The following VIPR2 variants were observed in gnomAD, a reference collection of about 807,000 sequenced individuals.
VIPR2 encodes the protein vasoactive intestinal peptide receptor 2, also known as vasoactive intestinal polypeptide receptor 2.
VIPR2 carries 48 observed loss-of-function variants against 58.0 expected under a neutral mutation model. The ratio of observed to expected loss-of-function variants is 0.83; its 90% CI spans 0.66 to 1.05. The LOEUF is 1.05. VIPR2 is among the 50% of genes least tolerant of loss of function. The pLI is 0.00. For synonymous variants in VIPR2, 243 were observed against 235.2 expected (o/e 1.03, Z -0.30); for missense variants, 534 against 558.0 (o/e 0.96, Z 0.43).
At chr7:159,090,482 T>C (rs1232437462) in intron 4 of VIPR2, among the ~76,000 whole-genome samples, 268 of 23,798 alleles carry the variant, frequency 0.011, no homozygotes, top group Middle Eastern at 0.036. Context: ...CACGCTGGGA[T>C]CACGCACAGG....
At chr7:159,107,159 C>T (rs764497759) in intron 3 of VIPR2, among the ~76,000 whole-genome samples, 4 of 152,154 alleles carry the variant, frequency 2.6e-5, no homozygotes, top group Non-Finnish European at 4.4e-5. Flanking sequence ...GTGCTGATGC[C>T]CCTTTAAAGG....
At chr7:159,070,413 T>A (rs1158972036) in intron 4 of VIPR2, among the ~76,000 whole-genome samples, 1 of 152,226 alleles carries the variant, frequency 6.6e-6, no homozygotes, top group Non-Finnish European at 1.5e-5. Context: ...ATGTTTGATT[T>A]AGCATTTTGG....
intron 5 of VIPR2, among the ~76,000 whole-genome samples, chr7:159,044,826 C>T (rs2730251): frequency 0.89 from 135,170 of 151,878 alleles, 60,501 homozygotes; most frequent in East Asian, 1. Context: ...AGTGCAATGG[C>T]GCAATCTTGG....
chr7:159,079,931 T>G (rs1181526512), intron 4 of VIPR2, among the ~76,000 whole-genome samples: 1 of 152,192 alleles, frequency 6.6e-6, no homozygotes, highest in Non-Finnish European at 1.5e-5. Context: ...AAGTTGAATC[T>G]CTGAATAGGC....
At chr7:159,054,157 A>G (rs1329853080) in intron 5 of VIPR2, among the ~76,000 whole-genome samples, 2 of 152,206 alleles carry the variant, frequency 1.3e-5, no homozygotes, top group African/African-American at 4.8e-5. Flanking sequence ...CGGGATACAC[A>G]CACTGAAAGC....
Position 159,099,087 on chromosome 7 carries a change from C to G in VIPR2, c.357+4670G>C, listed in dbSNP as rs1377553331. On this transcript the variant is annotated intron_variant, in intron 4 of 12. Coordinates refer to ENST00000262178, the MANE Select transcript of VIPR2 (RefSeq NM_003382.5). The surrounding 1 kb of genome is among the most constrained non-coding windows in gnomAD (Gnocchi z 4.2). ...CTTGGAAGCGAGTCCCTAAACCAAC[C>G]AAGTATTCAAAGTATTCAACGAGCA... 6.6e-6 allele frequency among the ~76,000 whole-genome samples: 1 copy of G among 152,264 alleles called. No individual in the cohort carries two copies. The highest frequency in any genetic ancestry group is 1.5e-5 in the Non-Finnish European group (1 of 68,054).
At chr7:159,034,158 C>T in intron 10 of VIPR2, 55 bp downstream of exon 10, 1 of 1,579,264 alleles carries the variant, frequency 6.3e-7, no homozygotes, top group Non-Finnish European at 8.7e-7. Context: ...GTGGGGGTCT[C>T]CTGTCTCCAC....
chr7:159,038,476 T>C (rs1381031010), intron 6 of VIPR2, among the ~76,000 whole-genome samples: 1 of 152,148 alleles, frequency 6.6e-6, no homozygotes, highest in African/African-American at 2.4e-5. Context: ...GAGCCTCTTA[T>C]GTGGAAAGAC....
Position 159,036,740 on chromosome 7 carries a change from G to A in VIPR2, c.748+12C>T, listed in dbSNP as rs767221133. ...GGATGGAGGGTTTGTGGGTGGGAAGGGGCACACTTACCCCATCCGATCAGG... is the reference window on the plus strand; with the variant it reads ...GGATGGAGGGTTTGTGGGTGGGAAGAGGCACACTTACCCCATCCGATCAGG... On this transcript the variant is annotated intron_variant, in intron 7 of 12. Coordinates refer to ENST00000262178, the MANE Select transcript of VIPR2 (RefSeq NM_003382.5). 39 of 1,608,270 alleles carry A rather than the reference G, an allele frequency of 2.4e-5. No individual in the cohort carries two copies. Among genetic ancestry groups the A allele is most frequent in the Non-Finnish European group, 3.1e-5 (37 of 1,176,248 alleles).
intron 5 of VIPR2, among the ~76,000 whole-genome samples, chr7:159,054,183 C>T (rs1855166846): frequency 6.6e-6 from 1 of 152,158 alleles, no homozygotes; most frequent in African/African-American, 2.4e-5. Context: ...AGAAACTTTA[C>T]CCTGCTTCAC....
chr7:159,122,308 T>C (rs1382455247), intron 2 of VIPR2, among the ~76,000 whole-genome samples: 2 of 152,174 alleles, frequency 1.3e-5, no homozygotes, highest in Non-Finnish European at 2.9e-5. Flanking sequence ...CCCGAGGTCA[T>C]GCACCAAAGG....
In VIPR2 at chr7:159,034,197, C is replaced by T. The variant is rs551261478; in HGVS notation, c.971+16G>A. On this transcript the variant is annotated intron_variant, in intron 10 of 12. Transcript: ENST00000262178. ...GCATCCCCATCAGGGACGGCCAGGCCGGGACACACACTCACTTGTACTGAG... is the reference window on the plus strand; with the variant it reads ...GCATCCCCATCAGGGACGGCCAGGCTGGGACACACACTCACTTGTACTGAG... 3.3e-5 allele frequency: 53 copies of T among 1,613,046 alleles called. No individual in the cohort carries two copies. In the East Asian group the frequency reaches 4.9e-4, roughly 15 times the overall value.
At chr7:159,108,369 C>T (rs891923679) in intron 3 of VIPR2, among the ~76,000 whole-genome samples, 2 of 152,314 alleles carry the variant, frequency 1.3e-5, no homozygotes, top group East Asian at 1.9e-4. Context: ...TGCATGTCCT[C>T]GCATAGCTCA....
At chr7:159,034,389 C>A in intron 9 of VIPR2, 85 bp from the exon 10 acceptor site, 1 of 1,415,562 alleles carries the variant, frequency 7.1e-7, no homozygotes. Context: ...CCCTCCCCTC[C>A]GCTCCCTCAG....
intron 4 of VIPR2, among the ~76,000 whole-genome samples, chr7:159,101,429 C>T (rs1440919006): frequency 6.9e-5 from 9 of 130,916 alleles, no homozygotes; most frequent in Non-Finnish European, 1.3e-4. Flanking sequence ...CGAGATCCGA[C>T]GAGGCGGTTC....
chr7:159,041,471 G>A (rs556698442), intron 6 of VIPR2, among the ~76,000 whole-genome samples: 9 of 135,362 alleles, frequency 6.6e-5, no homozygotes, highest in African/African-American at 1.1e-4. Context: ...GGTCTGTTGC[G>A]GGTCACTGCT....
intron 4 of VIPR2, among the ~76,000 whole-genome samples, chr7:159,071,706 T>C (rs529442995): frequency 6.6e-6 from 1 of 152,314 alleles, no homozygotes; most frequent in Non-Finnish European, 1.5e-5. Context: ...GAATTCATAA[T>C]ATACAAAGGA....
At chr7:159,054,762 T>C (rs1855207780) in intron 5 of VIPR2, among the ~76,000 whole-genome samples, 1 of 152,224 alleles carries the variant, frequency 6.6e-6, no homozygotes, top group African/African-American at 2.4e-5. Flanking sequence ...GCATTCATTT[T>C]TTAATAAATT....
At chr7:159,135,448 A>G (rs1392246175) in intron 2 of VIPR2, among the ~76,000 whole-genome samples, 4 of 152,018 alleles carry the variant, frequency 2.6e-5, no homozygotes, top group Admixed American at 2.6e-4. Flanking sequence ...AAAATAAATA[A>G]AATAAAAATA....
Sources: allele counts gnomAD v4.1 joint callset (sites outside exome capture counted in the v4.1 genomes callset), GRCh38; gene constraint gnomAD v4.1.1; non-coding constraint Gnocchi (gnomAD v3.1); transcripts MANE v1.5; gene names NCBI Gene and HGNC (gene_info 2026-07-23, HGNC 2026-07-21).